BICC1: variants seen among roughly 807,000 people sequenced by gnomAD.
BICC1 encodes the protein BicC family RNA binding protein 1, also known as protein bicaudal C homolog 1.
A neutral mutation model predicts 111.0 loss-of-function variants in BICC1; 43 were observed. The observed-to-expected ratio is 0.39, with a 90% CI of 0.30 to 0.50. BICC1 has a LOEUF of 0.50. Ranked by LOEUF, BICC1 falls within the 20% of genes least tolerant of loss-of-function variation. The probability of loss-of-function intolerance (pLI) is 0.88; values close to 1 mark genes in which losing one functional copy is unlikely to be tolerated. For synonymous variants in BICC1, 467 were observed against 434.4 expected (o/e 1.07, Z -0.93); for missense variants, 1,091 against 1,203.2 (o/e 0.91, Z 1.38).
chr10:58,755,731 A>G (rs1564595249), intron 3 of BICC1, among the ~76,000 whole-genome samples: 1 of 150,446 alleles, frequency 6.6e-6, no homozygotes, highest in Non-Finnish European at 1.5e-5. Flanking sequence ...ATTCTGGAAG[A>G]TGAATTTCAG....
chr10:58,564,906 A>G (rs546414659), intron 1 of BICC1, among the ~76,000 whole-genome samples: 41 of 152,310 alleles, frequency 2.7e-4, no homozygotes, highest in African/African-American at 9.1e-4. Flanking sequence ...ATTTTATATA[A>G]TATTGGTATT....
At chr10:58,512,310 C>A (rs1842105832), upstream of BICC1, among the ~76,000 whole-genome samples, 1 of 152,098 alleles carries the variant, frequency 6.6e-6, no homozygotes, top group Non-Finnish European at 1.5e-5. Context: ...ACGTCCATGG[C>A]GATGCCTGCG....
rs185097171 is a variant in BICC1 at position 58,522,537 on chromosome 10, C to G, written c.190+9204C>G. On this transcript the variant is annotated intron_variant, in intron 1 of 20. Coordinates refer to ENST00000373886, the MANE Select transcript of BICC1 (RefSeq NM_001080512.3). Reference sequence around the variant, plus strand: ...ACAAAGACACAACATACCAGAATCTCTGGGATACATTCAAAGCAGTGTGTA... The same window carrying G: ...ACAAAGACACAACATACCAGAATCTGTGGGATACATTCAAAGCAGTGTGTA... Among the ~76,000 whole-genome samples the G allele has an allele frequency of 3.5e-3, 529 of 152,268 alleles. 10 individuals carry two copies. The highest frequency in any genetic ancestry group is 0.033 in the Admixed American group (498 of 15,290).
At chr10:58,724,867 G>A (rs1841053180) in intron 3 of BICC1, among the ~76,000 whole-genome samples, 2 of 152,196 alleles carry the variant, frequency 1.3e-5, no homozygotes, top group Admixed American at 1.3e-4. Flanking sequence ...GGTGGAGTCT[G>A]GGTAAGAAGG....
chr10:58,665,849 C>T (rs1018023596), intron 2 of BICC1, among the ~76,000 whole-genome samples: 2 of 152,258 alleles, frequency 1.3e-5, no homozygotes, highest in Middle Eastern at 3.4e-3. Flanking sequence ...CATTTCTGAT[C>T]TCTAATGAAT....
chr10:58,547,794 G>A (rs192238329), intron 1 of BICC1, among the ~76,000 whole-genome samples: 311 of 152,224 alleles, frequency 2.0e-3, no homozygotes, highest in African/African-American at 7.1e-3. Flanking sequence ...TGGCTACTGT[G>A]TCCCTTTGAT....
intron 2 of BICC1, among the ~76,000 whole-genome samples, chr10:58,700,121 ATAAG>A (rs1840186272): frequency 6.6e-6 from 1 of 152,234 alleles, no homozygotes; most frequent in Non-Finnish European, 1.5e-5. Flanking sequence ...CAGGTTGTAA[ATAAG>A]TAAGTTCAGA....
At chr10:58,706,168 T>C (rs1018495263) in intron 3 of BICC1, among the ~76,000 whole-genome samples, 2 of 152,212 alleles carry the variant, frequency 1.3e-5, no homozygotes, top group Non-Finnish European at 2.9e-5. Context: ...AGGTGTTTAA[T>C]ACCATACACC....
At chr10:58,774,789 A>G (rs966782042) in intron 3 of BICC1, among the ~76,000 whole-genome samples, 1 of 152,206 alleles carries the variant, frequency 6.6e-6, no homozygotes, top group African/African-American at 2.4e-5. Context: ...TTTTATTTTA[A>G]AAAGTGATTA....
intron 3 of BICC1, among the ~76,000 whole-genome samples, chr10:58,770,312 T>C (rs1842588943): frequency 6.6e-6 from 1 of 152,142 alleles, no homozygotes; most frequent in Non-Finnish European, 1.5e-5. Flanking sequence ...AACAGTGAGA[T>C]GATGGCAAAG....
rs768415721 is a variant in BICC1 at position 58,828,927 on chromosome 10, TA to T, written c.*39del. 1.9e-5 allele frequency: 31 copies of T among 1,611,912 alleles called. No individual in the cohort carries two copies. In the African/African-American group the frequency reaches 4.1e-4, roughly 21 times the overall value. ...TTGGCACATGCCCGCTGACTAACTG[TA>T]AAGTGGACACAGGAGATGTATGAAC... On this transcript the variant is annotated 3_prime_UTR_variant, in exon 21 of 21. Transcript: ENST00000373886.
intron 3 of BICC1, among the ~76,000 whole-genome samples, chr10:58,722,500 A>G (rs1041642820): frequency 2.0e-5 from 3 of 152,228 alleles, no homozygotes; most frequent in Non-Finnish European, 4.4e-5. Flanking sequence ...CAATCACATG[A>G]ATTAAGTAAT....
chr10:58,796,182 C>A (rs1426347999), intron 9 of BICC1, among the ~76,000 whole-genome samples, 158 bp from the exon 10 acceptor site: 1 of 152,044 alleles, frequency 6.6e-6, no homozygotes, highest in Non-Finnish European at 1.5e-5. Flanking sequence ...ATCTTAAGCA[C>A]GAAGTGGTTA....
chr10:58,786,874 A>C, intron 4 of BICC1, 49 bp from the exon 5 acceptor site: 1 of 1,395,986 alleles, frequency 7.2e-7, no homozygotes, highest in Non-Finnish European at 9.5e-7. Flanking sequence ...TTAGGAGGTC[A>C]TTCTTTCCTT....
At chr10:58,586,423 C>T (rs1227225529) in intron 1 of BICC1, among the ~76,000 whole-genome samples, 1 of 151,856 alleles carries the variant, frequency 6.6e-6, no homozygotes, top group African/African-American at 2.4e-5. Context: ...CCGTGTCAGG[C>T]ACTGCTGTTA....
chr10:58,601,158 A>ATATATATATATAT (rs1564506828), intron 1 of BICC1, among the ~76,000 whole-genome samples: 1 of 138,558 alleles, frequency 7.2e-6, no homozygotes, highest in African/African-American at 2.6e-5. Flanking sequence ...ATATATATAT[A>ATATATATATATAT]TATATATATA....
At chr10:58,677,409 C>T (rs1436720221) in intron 2 of BICC1, among the ~76,000 whole-genome samples, 1 of 152,092 alleles carries the variant, frequency 6.6e-6, no homozygotes, top group East Asian at 1.9e-4. Flanking sequence ...GAAGCATATA[C>T]AAGTATCAAG....
intron 5 of BICC1, 144 bp downstream of exon 5, chr10:58,787,225 C>A (rs1843036009): frequency 5.9e-6 from 4 of 681,884 alleles, no homozygotes; most frequent in Admixed American, 4.1e-5. Context: ...CAACTTTCTG[C>A]AAGGAAATTG....
intron 3 of BICC1, among the ~76,000 whole-genome samples, chr10:58,769,371 AATGTAT>A (rs750008354): frequency 4.6e-5 from 4 of 86,116 alleles, no homozygotes; most frequent in Admixed American, 1.5e-4. Context: ...ATAGTTTTAT[AATGTAT>A]GTGTGTGTGT....
Sources: gnomAD v4.1 joint callset for allele counts (sites outside exome capture counted in the v4.1 genomes callset) on GRCh38, gnomAD v4.1.1 for gene constraint, MANE v1.5 for transcripts, NCBI Gene and HGNC (gene_info 2026-07-23, HGNC 2026-07-21) for gene names.